PLSCR2: variants seen among roughly 807,000 people sequenced by gnomAD.
The protein encoded by PLSCR2 is phospholipid scramblase 2.
In PLSCR2, 18 loss-of-function variants were observed where a neutral mutation model predicts 25.3. That is an observed-to-expected ratio of 0.71 (90% CI 0.49 to 1.06). PLSCR2 has a LOEUF of 1.06. Among genes scored for constraint, PLSCR2 ranks in the 50% least tolerant of loss-of-function variants. PLSCR2 has a pLI of 0.00. For synonymous variants in PLSCR2, 88 were observed against 87.3 expected (o/e 1.01, Z -0.04); for missense variants, 243 against 269.5 (o/e 0.90, Z 0.69).
At chr3:146,416,073 C>G (rs898759939) in intron 2 of PLSCR2, among the ~76,000 whole-genome samples, 3 of 152,136 alleles carry the variant, frequency 2.0e-5, no homozygotes, top group Admixed American at 2.0e-4. Context: ...GCCTCAGCCT[C>G]TTGAGTAGTT....
chr3:146,423,597 G>A (rs1466838176), intron 2 of PLSCR2, among the ~76,000 whole-genome samples: 2 of 151,888 alleles, frequency 1.3e-5, no homozygotes, highest in African/African-American at 2.4e-5. Flanking sequence ...CCAATGACTT[G>A]TAAATATGAT....
chr3:146,401,778 A>G (rs1291886367), intron 2 of PLSCR2, among the ~76,000 whole-genome samples: 2 of 152,048 alleles, frequency 1.3e-5, no homozygotes, highest in Non-Finnish European at 2.9e-5. Context: ...AATTCTATGC[A>G]TAACTTTTTG....
chr3:146,488,061 C>A (rs1181463515), intron 1 of PLSCR2, among the ~76,000 whole-genome samples: 1 of 151,868 alleles, frequency 6.6e-6, no homozygotes, highest in African/African-American at 2.4e-5. Flanking sequence ...CTGACAAAAA[C>A]AAGAAATGGG....
intron 1 of PLSCR2, among the ~76,000 whole-genome samples, chr3:146,490,442 G>A (rs1008089872): frequency 6.6e-6 from 1 of 152,052 alleles, no homozygotes; most frequent in Non-Finnish European, 1.5e-5. Flanking sequence ...CACTGTCAAT[G>A]AGATGTTGAA....
intron 6 of PLSCR2, among the ~76,000 whole-genome samples, chr3:146,448,362 T>C (rs2040688459): frequency 6.6e-6 from 1 of 151,714 alleles, no homozygotes; most frequent in South Asian, 2.1e-4. Context: ...CTGTTAAGGT[T>C]TTCTGATTAT....
chr3:146,457,888 C>T (rs2041309639), intron 3 of PLSCR2, among the ~76,000 whole-genome samples: 1 of 151,650 alleles, frequency 6.6e-6, no homozygotes, highest in Admixed American at 6.6e-5. Flanking sequence ...GTGCAGTCAT[C>T]CCACAGTATT....
chr3:146,458,906 A>G (rs939124174), intron 2 of PLSCR2, among the ~76,000 whole-genome samples: 8 of 152,104 alleles, frequency 5.3e-5, no homozygotes, highest in African/African-American at 1.9e-4. Context: ...TTTCTTGGAG[A>G]AATATGAACT....
At chr3:146,460,159 T>A in intron 1 of PLSCR2, 76 bp from the exon 2 acceptor site, 1 of 1,380,080 alleles carries the variant, frequency 7.2e-7, no homozygotes, top group East Asian at 2.5e-5. Flanking sequence ...ACCCCAGTTA[T>A]CTACAAACTG....
chr3:146,397,745 G>A lies in PLSCR2; in HGVS notation c.101-1824C>T, dbSNP rs191084593. 8.6e-3 allele frequency among the ~76,000 whole-genome samples: 1,313 copies of A among 152,192 alleles called. 4 individuals carry two copies. Among genetic ancestry groups the A allele is most frequent in the South Asian group, 0.036 (175 of 4,822 alleles). On this transcript the variant is annotated intron_variant and NMD_transcript_variant, in intron 2 of 3. Coordinates refer to the PLSCR2 transcript ENST00000463633. ...AAAAGCATTTTATTATTTGGTGTCA[G>A]TAAAAATGGCTTTGGATTCCAGAGT... is the stretch of plus-strand genomic sequence containing the variant.
chr3:146,495,454 AAGTC>A (rs1470353179), intron 1 of PLSCR2, among the ~76,000 whole-genome samples: 1 of 152,208 alleles, frequency 6.6e-6, no homozygotes, highest in Non-Finnish European at 1.5e-5. Flanking sequence ...TAATATGTTA[AAGTC>A]CTAACTCCCA....
chr3:146,479,793 G>A (rs926816295), intron 1 of PLSCR2, among the ~76,000 whole-genome samples: 1 of 152,142 alleles, frequency 6.6e-6, no homozygotes, highest in Non-Finnish European at 1.5e-5. Context: ...ATTCTTCTCA[G>A]CACCACATTG....
chr3:146,438,916 T>C (rs530555441), downstream of PLSCR2, among the ~76,000 whole-genome samples: 207 of 152,296 alleles, frequency 1.4e-3, 1 homozygote, highest in African/African-American at 4.6e-3. Context: ...CTGGTACCGG[T>C]TGTTCCTTTC....
At chr3:146,398,429 A>G (rs944602590) in intron 2 of PLSCR2, among the ~76,000 whole-genome samples, 17 of 151,790 alleles carry the variant, frequency 1.1e-4, no homozygotes, top group Non-Finnish European at 2.4e-4. Context: ...ATTAAATAAC[A>G]AACTTCTGAT....
intron 1 of PLSCR2, among the ~76,000 whole-genome samples, chr3:146,486,034 A>G (rs1576744690): frequency 2.0e-5 from 3 of 152,096 alleles, no homozygotes; most frequent in Non-Finnish European, 4.4e-5. Context: ...GTGCTACAAG[A>G]TGAGATTTGG....
intron 1 of PLSCR2, among the ~76,000 whole-genome samples, chr3:146,477,087 C>T (rs2042313901): frequency 6.6e-6 from 1 of 152,212 alleles, no homozygotes; most frequent in Admixed American, 6.5e-5. Context: ...TCACCAGACA[C>T]CTTATACCAG....
At chr3:146,400,193 G>A (rs2038416903) in intron 2 of PLSCR2, among the ~76,000 whole-genome samples, 1 of 151,578 alleles carries the variant, frequency 6.6e-6, no homozygotes. Flanking sequence ...AAAGGAAGAA[G>A]TAAAATCTGT....
In PLSCR2 at chr3:146,469,821, C is replaced by T. The variant is rs1315602364; in HGVS notation, c.-292-9537G>A. ...TGCGACGCGCAGCTGCCGCCCAGCC[C>T]GTCCCGTCTCCCTCTCCCCATCCCC... On this transcript the variant is annotated intron_variant, in intron 1 of 8. Coordinates refer to the PLSCR2 transcript ENST00000336685. Among the ~76,000 whole-genome samples the T allele has an allele frequency of 2.4e-4, 36 of 151,464 alleles. 1 individual carries two copies. Among genetic ancestry groups the T allele is most frequent in the Admixed American group, 2.4e-3 (36 of 15,182 alleles).
intron 1 of PLSCR2, among the ~76,000 whole-genome samples, chr3:146,479,932 T>G (rs2043070393): frequency 1.3e-5 from 2 of 152,126 alleles, no homozygotes; most frequent in Non-Finnish European, 1.5e-5. Flanking sequence ...ATTAAGAAAC[T>G]CACTCAAAAC....
downstream of PLSCR2, among the ~76,000 whole-genome samples, chr3:146,439,931 G>A (rs528205311): frequency 6.6e-6 from 1 of 152,286 alleles, no homozygotes; most frequent in African/African-American, 2.4e-5. Context: ...CTTTGATGAT[G>A]GTGACGTACA....
Sources: gnomAD v4.1 joint callset for allele counts (sites outside exome capture counted in the v4.1 genomes callset) on GRCh38, gnomAD v4.1.1 for gene constraint, MANE v1.5 for transcripts, NCBI Gene and HGNC (gene_info 2026-07-23, HGNC 2026-07-21) for gene names.